The following DOCK1 variants were observed in gnomAD, a reference collection of about 807,000 sequenced individuals.
DOCK1 encodes dedicator of cytokinesis protein 1.
In DOCK1, 138 loss-of-function variants were observed where a neutral mutation model predicts 262.7. That is an observed-to-expected ratio of 0.53 (90% CI 0.46 to 0.61). The LOEUF is 0.61. DOCK1 is among the 20% of genes least tolerant of loss of function. The pLI is 0.00. For missense variants in DOCK1, 1,908 were observed against 2,370.7 expected (o/e 0.80, Z 4.05); for synonymous variants, 866 against 867.4 (o/e 1.00, Z 0.03).
At chr10:127,187,417 A>C (rs1431578784) in intron 27 of DOCK1, among the ~76,000 whole-genome samples, 1 of 152,208 alleles carries the variant, frequency 6.6e-6, no homozygotes, top group Non-Finnish European at 1.5e-5. Context: ...TTGAAAAAGG[A>C]AAACATAAAT....
intron 33 of DOCK1, among the ~76,000 whole-genome samples, chr10:127,373,235 C>A (rs990075101): frequency 2.0e-5 from 3 of 152,110 alleles, no homozygotes; most frequent in African/African-American, 7.2e-5. Context: ...TCTTGAGGTG[C>A]CTGCTGGTCT....
chr10:126,956,637 G>C (rs1258322592), intron 1 of DOCK1, among the ~76,000 whole-genome samples: 1 of 152,186 alleles, frequency 6.6e-6, no homozygotes, highest in Admixed American at 6.5e-5. Context: ...GCACATGTAG[G>C]GTGGCCCCGG....
intron 38 of DOCK1, among the ~76,000 whole-genome samples, chr10:127,398,262 C>T (rs1321334572): frequency 6.6e-6 from 1 of 152,176 alleles, no homozygotes; most frequent in Non-Finnish European, 1.5e-5. Flanking sequence ...TGAGGCTTGG[C>T]TCAAGGAAAA....
intron 27 of DOCK1, among the ~76,000 whole-genome samples, chr10:127,140,148 G>A (rs534558304): frequency 1.3e-5 from 2 of 152,268 alleles, no homozygotes; most frequent in Admixed American, 1.3e-4. Flanking sequence ...CATCTCCTAG[G>A]CTAACAGTAC....
intron 29 of DOCK1, among the ~76,000 whole-genome samples, chr10:127,265,904 G>T (rs1301328824): frequency 6.6e-6 from 1 of 152,230 alleles, no homozygotes; most frequent in East Asian, 1.9e-4. Flanking sequence ...TGCTCAGAAG[G>T]CAAATTTGCA....
chr10:127,217,354 A>G (rs1030667198), intron 27 of DOCK1, among the ~76,000 whole-genome samples: 1 of 152,192 alleles, frequency 6.6e-6, no homozygotes, highest in African/African-American at 2.4e-5. Flanking sequence ...TGCTGTATGG[A>G]TTGTAATTCT....
intron 29 of DOCK1, among the ~76,000 whole-genome samples, chr10:127,313,092 C>T (rs1262473511): frequency 6.6e-6 from 1 of 152,152 alleles, no homozygotes; most frequent in Admixed American, 6.5e-5. Context: ...CTCTGCTAGA[C>T]ATCATGACTC....
intron 35 of DOCK1, among the ~76,000 whole-genome samples, chr10:127,377,891 CAAAA>C (rs71490127): frequency 1.9e-5 from 2 of 104,734 alleles, no homozygotes; most frequent in Non-Finnish European, 1.9e-5. Flanking sequence ...GACTCTGTCT[CAAAA>C]AAAAAAAAAA....
intron 14 of DOCK1, 75 bp downstream of exon 14, chr10:127,023,399 G>A: frequency 6.3e-7 from 1 of 1,577,606 alleles, no homozygotes; most frequent in Non-Finnish European, 8.6e-7. Flanking sequence ...CTCTGCTACA[G>A]CATAGATGTC....
intron 10 of DOCK1, among the ~76,000 whole-genome samples, chr10:127,003,052 A>G (rs78382348): frequency 0.33 from 49,601 of 151,934 alleles, 8,154 homozygotes; most frequent in Non-Finnish European, 0.35. Context: ...GTGAACCTCT[A>G]TAAACCTGTG....
intron 27 of DOCK1, among the ~76,000 whole-genome samples, chr10:127,153,273 C>T (rs2052690858): frequency 6.6e-6 from 1 of 152,216 alleles, no homozygotes; most frequent in African/African-American, 2.4e-5. Context: ...CCAAACACAG[C>T]TTCTTCCTGT....
At chr10:126,930,521 T>C (rs1290706525) in intron 1 of DOCK1, among the ~76,000 whole-genome samples, 1 of 152,190 alleles carries the variant, frequency 6.6e-6, no homozygotes, top group East Asian at 1.9e-4. Context: ...GCGCCGGTGG[T>C]CCTCTTGGCC....
At chr10:127,160,680 C>T (rs2053523708) in intron 27 of DOCK1, among the ~76,000 whole-genome samples, 2 of 152,176 alleles carry the variant, frequency 1.3e-5, no homozygotes, top group Admixed American at 1.3e-4. Context: ...AATTCAGAGG[C>T]TGTATCCTAG....
intron 32 of DOCK1, among the ~76,000 whole-genome samples, chr10:127,355,089 T>A (rs1451371766): frequency 6.6e-6 from 1 of 151,700 alleles, no homozygotes; most frequent in Non-Finnish European, 1.5e-5. Flanking sequence ...TCACTTACCA[T>A]ATTCAGTTTT....
chr10:127,393,278 A>T (rs2066605530), intron 38 of DOCK1, among the ~76,000 whole-genome samples: 2 of 152,216 alleles, frequency 1.3e-5, no homozygotes, highest in Non-Finnish European at 2.9e-5. Flanking sequence ...AATGGAAGCC[A>T]GGTGGGACGT....
At position 126,963,610 on chromosome 10, in the gene DOCK1, C is replaced by T. The variant is rs1044745746; in HGVS notation, c.47-7092C>T. ...CTTCCCTTCCCTTCCCTTCCCTTCC[C>T]TTCCCTTCCCTTCCCTTCCCTTCCC... On this transcript the variant is annotated intron_variant, in intron 1 of 51. Coordinates refer to ENST00000623213, the MANE Select transcript of DOCK1 (RefSeq NM_001290223.2). 5.6e-5 allele frequency among the ~76,000 whole-genome samples: 4 copies of T among 71,386 alleles called. No individual in the cohort carries two copies. The East Asian group carries it at 2.2e-3, about 40-fold the overall frequency. 46.8% of individuals were successfully genotyped at this position (71,386 alleles called of 152,430 possible). A position where few individuals can be genotyped will look rare whatever the true frequency, so the allele number is the denominator to read the frequency against.
At chr10:127,346,475 G>A (rs1378669085) in intron 31 of DOCK1, among the ~76,000 whole-genome samples, 1 of 152,114 alleles carries the variant, frequency 6.6e-6, no homozygotes, top group Admixed American at 6.5e-5. Flanking sequence ...GCGCACCTGT[G>A]GTGCCAGCTA....
chr10:127,374,243 A>G (rs1421760166), intron 35 of DOCK1, 29 bp downstream of exon 35: 1 of 1,591,366 alleles, frequency 6.3e-7, no homozygotes, highest in South Asian at 1.1e-5. Context: ...ACGTTTTTTC[A>G]GTTTTCACAG....
intron 47 of DOCK1, among the ~76,000 whole-genome samples, chr10:127,431,762 T>A (rs771667440): frequency 3.0e-4 from 46 of 152,218 alleles, no homozygotes; most frequent in Non-Finnish European, 5.1e-4. Context: ...GCTGCTTTTG[T>A]GCTGTCGTGG....
Sources: allele counts gnomAD v4.1 joint callset (sites outside exome capture counted in the v4.1 genomes callset), GRCh38; gene constraint gnomAD v4.1.1; transcripts MANE v1.5; gene names NCBI Gene and HGNC (gene_info 2026-07-23, HGNC 2026-07-21).